The following ABTB2 variants were observed in gnomAD, a reference collection of about 807,000 sequenced individuals.
The protein encoded by ABTB2 is ankyrin repeat and BTB/POZ domain-containing protein 2.
ABTB2 carries 56 observed loss-of-function variants against 104.1 expected under a neutral mutation model. The ratio of observed to expected loss-of-function variants is 0.54; its 90% CI spans 0.43 to 0.67. The LOEUF (loss-of-function observed/expected upper bound fraction) is 0.67. Among genes scored for constraint, ABTB2 ranks in the 30% least tolerant of loss-of-function variants. The pLI is 0.00. For synonymous variants in ABTB2, 606 were observed against 608.2 expected, an observed-to-expected ratio of 1.00 and a Z score of 0.05; for missense variants, 1,279 against 1,407.7, an observed-to-expected ratio of 0.91 and a Z score of 1.46.
In ABTB2 at chr11:34,256,302, T is replaced by A. The variant is rs1226979338; in HGVS notation, c.884-51612A>T. Among the ~76,000 whole-genome samples the A allele has an allele frequency of 2.6e-5, 4 of 152,126 alleles. No individual in the cohort carries two copies. In the East Asian group the frequency reaches 7.7e-4, roughly 29 times the overall value. ...AGTGACCAGTGCAATGTTGTCTTTC[T>A]CCCCCCTCCCTTCTGGTCCCTGGTG... On this transcript the variant is annotated intron_variant, in intron 1 of 16. Coordinates refer to ENST00000435224, the MANE Select transcript of ABTB2 (RefSeq NM_145804.3).
intron 3 of ABTB2, among the ~76,000 whole-genome samples, chr11:34,183,453 G>C (rs1174532322): frequency 6.6e-6 from 1 of 152,226 alleles, no homozygotes; most frequent in Non-Finnish European, 1.5e-5. Context: ...GGACTACCGG[G>C]TGTAAACTAG....
rs769421901 is a variant in ABTB2 at position 34,357,077 on chromosome 11, C to T, written c.507G>A (p.Ala169=). Residue 169 remains alanine (A), a synonymous_variant, in exon 1 of 17, where the codon GCG becomes GCA. Transcript: ENST00000435224. ...QSAVRLVHSW[A]LAESCALAAV... ...CTGCCAGCGCGCAGCTCTCGGCCAGCGCCCAGCTGTGCACCAGGCGCACGG... is the reference window on the plus strand; with the variant it reads ...CTGCCAGCGCGCAGCTCTCGGCCAGTGCCCAGCTGTGCACCAGGCGCACGG... 1.3e-6 allele frequency: 2 copies of T among 1,522,738 alleles called. No individual in the cohort carries two copies. Among genetic ancestry groups the T allele is most frequent in the South Asian group, 1.2e-5 (1 of 82,960 alleles). 94.3% of individuals were successfully genotyped at this position (1,522,738 alleles called of 1,614,324 possible).
intron 3 of ABTB2, among the ~76,000 whole-genome samples, chr11:34,195,086 A>G (rs2957496): frequency 0.83 from 30,719 of 37,210 alleles, 13,667 homozygotes; most frequent in South Asian, 0.96. Context: ...GGGGGGGGGG[A>G]GTGGGGGCGG....
chr11:34,218,355 T>C (rs554147246), intron 1 of ABTB2, among the ~76,000 whole-genome samples: 1 of 152,332 alleles, frequency 6.6e-6, no homozygotes, highest in Admixed American at 6.5e-5. Flanking sequence ...TGGTGTCATA[T>C]CTAAAAAGTC....
At chr11:34,257,371 C>A (rs1317404884) in intron 1 of ABTB2, among the ~76,000 whole-genome samples, 1 of 152,158 alleles carries the variant, frequency 6.6e-6, no homozygotes, top group Non-Finnish European at 1.5e-5. Context: ...CTCCAGGAGG[C>A]CTCTAAGAGG....
chr11:34,260,417 A>C (rs1854174666), intron 1 of ABTB2, among the ~76,000 whole-genome samples: 1 of 152,186 alleles, frequency 6.6e-6, no homozygotes, highest in Non-Finnish European at 1.5e-5. Flanking sequence ...ATAAACACAG[A>C]AGGTCCCAAC....
In ABTB2 at chr11:34,357,287, C is replaced by A; in HGVS notation, c.297G>T (p.Trp99Cys). Residue 99 changes from tryptophan to cysteine, a missense_variant, in exon 1 of 17, where the codon TGG (tryptophan) becomes TGT (cysteine). By Grantham distance (215) the Trp-to-Cys change is radical (BLOSUM62 -2). Coordinates refer to ENST00000435224, the MANE Select transcript of ABTB2 (RefSeq NM_145804.3). ...GCACCCGGGCCACGTCTCCTTCGGT[C>A]CAGGGGAACTCCTCCAGCTCGGGGA... The part of the protein sequence containing the change: ...PRLPELEEFP[W>C]TEGDVARVLR... The A allele has an allele frequency of 6.6e-7, 1 of 1,509,562 alleles. No homozygotes were observed. Among genetic ancestry groups the A allele is most frequent in the South Asian group, 1.3e-5 (1 of 78,706 alleles). 93.5% of individuals were successfully genotyped at this position (1,509,562 alleles called of 1,614,324 possible).
intron 12 of ABTB2, 27 bp from the exon 13 acceptor site, chr11:34,160,035 T>G: frequency 1.3e-6 from 2 of 1,580,904 alleles, no homozygotes; most frequent in Non-Finnish European, 1.7e-6. Context: ...GACAGAGGGA[T>G]ATGGCTGAGG....
Position 34,183,855 on chromosome 11 carries a change from T to C in ABTB2, c.1245-10548A>G, listed in dbSNP as rs1480298188. On this transcript the variant is annotated intron_variant, in intron 3 of 16. Coordinates refer to ENST00000435224, the MANE Select transcript of ABTB2 (RefSeq NM_145804.3). Reference sequence around the variant, plus strand: ...AGGCAAAGTCCTCCAGCTGCTACCATGGTTTCAGGGGCTGCTCTTACTCCA... The same window carrying C: ...AGGCAAAGTCCTCCAGCTGCTACCACGGTTTCAGGGGCTGCTCTTACTCCA... 4.6e-5 allele frequency among the ~76,000 whole-genome samples: 7 copies of C among 152,260 alleles called. No individual in the cohort carries two copies. In the South Asian group the frequency reaches 8.3e-4, roughly 18 times the overall value.
chr11:34,313,641 C>T (rs568988687), intron 1 of ABTB2, among the ~76,000 whole-genome samples: 29 of 152,294 alleles, frequency 1.9e-4, no homozygotes, highest in African/African-American at 6.5e-4. Context: ...TTCATGTAGA[C>T]GGTGATATCA....
At chr11:34,297,634 C>T (rs912244197) in intron 1 of ABTB2, among the ~76,000 whole-genome samples, 7 of 151,876 alleles carry the variant, frequency 4.6e-5, no homozygotes, top group South Asian at 2.1e-4. Flanking sequence ...GGCGTAGTGG[C>T]GCATGCCTGT....
chr11:34,197,242 G>C, intron 3 of ABTB2, 83 bp downstream of exon 3: 1 of 1,470,556 alleles, frequency 6.8e-7, no homozygotes, highest in Non-Finnish European at 9.5e-7. Flanking sequence ...CTGTTGGTCA[G>C]TCGTCAGTCA....
chr11:34,195,011 T>TTAA (rs1351480874), intron 3 of ABTB2, among the ~76,000 whole-genome samples: 3 of 143,464 alleles, frequency 2.1e-5, no homozygotes, highest in Non-Finnish European at 4.5e-5. Flanking sequence ...ATGCTGTGTA[T>TTAA]TAGAGTACAG....
At chr11:34,159,144 G>A (rs1005940911) in intron 14 of ABTB2, 152 bp downstream of exon 14, 2 of 646,644 alleles carry the variant, frequency 3.1e-6, no homozygotes, top group Non-Finnish European at 5.4e-6. Flanking sequence ...CCTCTGCACA[G>A]GGAAAGACCT....
chr11:34,266,678 C>T (rs1283788689), intron 1 of ABTB2, among the ~76,000 whole-genome samples: 5 of 152,222 alleles, frequency 3.3e-5, no homozygotes, highest in Admixed American at 6.5e-5. Flanking sequence ...TATTTTTCTT[C>T]GGTGCTTGGG....
At chr11:34,296,226 G>T (rs1234860630) in intron 1 of ABTB2, among the ~76,000 whole-genome samples, 1 of 152,174 alleles carries the variant, frequency 6.6e-6, no homozygotes, top group East Asian at 1.9e-4. Context: ...CAGGGAGAGG[G>T]CAGAGTTGGG....
chr11:34,349,053 A>G (rs1472668109), intron 1 of ABTB2, among the ~76,000 whole-genome samples: 1 of 152,112 alleles, frequency 6.6e-6, no homozygotes, highest in Non-Finnish European at 1.5e-5. Context: ...TCTCCTCCCA[A>G]TCCTGCATGC....
chr11:34,263,662 C>T (rs925398246), intron 1 of ABTB2, among the ~76,000 whole-genome samples: 5 of 152,152 alleles, frequency 3.3e-5, no homozygotes, highest in African/African-American at 1.2e-4. Flanking sequence ...TAAGAGTTTC[C>T]ATTACCAGCC....
At chr11:34,297,142 C>A (rs190033073) in intron 1 of ABTB2, among the ~76,000 whole-genome samples, 1 of 152,150 alleles carries the variant, frequency 6.6e-6, no homozygotes, top group African/African-American at 2.4e-5. Context: ...ACTTTCTGTA[C>A]GTATTCATTT....
Sources: allele counts gnomAD v4.1 joint callset (sites outside exome capture counted in the v4.1 genomes callset), GRCh38; gene constraint gnomAD v4.1.1; transcripts MANE v1.5; gene names NCBI Gene and HGNC (gene_info 2026-07-23, HGNC 2026-07-21).